Variants in MAP4K3 observed in about 807,000 individuals in gnomAD.
The protein encoded by MAP4K3 is mitogen-activated protein kinase kinase kinase kinase 3.
In MAP4K3, 94 loss-of-function variants were observed where a neutral mutation model predicts 143.5. That is an observed-to-expected ratio of 0.65 (90% CI 0.55 to 0.78). The LOEUF is 0.78. MAP4K3 is among the 30% of genes least tolerant of loss of function. MAP4K3 has a pLI of 0.00. For missense variants in MAP4K3, 1,077 were observed against 1,068.1 expected (o/e 1.01, Z -0.12); for synonymous variants, 416 against 347.2 (o/e 1.20, Z -2.20).
chr2:39,275,585 CAAT>C (rs1681215249), intron 24 of MAP4K3, among the ~76,000 whole-genome samples: 1 of 152,100 alleles, frequency 6.6e-6, no homozygotes, highest in Non-Finnish European at 1.5e-5. Flanking sequence ...ATATTGTTAC[CAAT>C]ATTATTTTTG....
intron 13 of MAP4K3, among the ~76,000 whole-genome samples, chr2:39,312,502 A>G (rs1044811656): frequency 6.6e-6 from 1 of 152,240 alleles, no homozygotes; most frequent in Non-Finnish European, 1.5e-5. Context: ...ATGTAAATTT[A>G]TTGTGAATGT....
At chr2:39,405,696 C>T (rs1345448710) in intron 1 of MAP4K3, among the ~76,000 whole-genome samples, 1 of 152,006 alleles carries the variant, frequency 6.6e-6, no homozygotes, top group East Asian at 1.9e-4. Flanking sequence ...GTTGAAATGC[C>T]GTGTCTACAA....
At chr2:39,287,454 C>T (rs528962802) in intron 20 of MAP4K3, among the ~76,000 whole-genome samples, 6 of 152,078 alleles carry the variant, frequency 3.9e-5, no homozygotes, top group East Asian at 1.9e-4. Flanking sequence ...TGCGCTACCA[C>T]GCCCAGCTAA....
At chr2:39,268,071 T>A (rs1680840200) in intron 26 of MAP4K3, among the ~76,000 whole-genome samples, 2 of 152,224 alleles carry the variant, frequency 1.3e-5, no homozygotes, top group African/African-American at 4.8e-5. Flanking sequence ...ATTTCTTTTT[T>A]AGAAATCTTT....
intron 2 of MAP4K3, among the ~76,000 whole-genome samples, chr2:39,365,665 C>T (rs1276911263): frequency 9.3e-5 from 14 of 151,098 alleles, no homozygotes; most frequent in Non-Finnish European, 3.0e-5. Context: ...AGGATGGTCT[C>T]GATCTCCTGA....
chr2:39,282,194 CAA>C (rs58168334), intron 22 of MAP4K3, among the ~76,000 whole-genome samples: 13 of 106,134 alleles, frequency 1.2e-4, no homozygotes, highest in Admixed American at 1.0e-4. Context: ...GACTCCGTCT[CAA>C]AAAAAAAAAA....
rs369320225 is a variant in MAP4K3, at chr2:39,314,647, A to C, written c.997+663T>G. 4.6e-5 allele frequency among the ~76,000 whole-genome samples: 7 copies of C among 152,300 alleles called. No homozygotes were observed. The East Asian group carries it at 1.2e-3, about 25-fold the overall frequency. ...TTCTAAGGAATAAAAAAGTTAAGGC[A>C]CTATTGTTCGAGGGATTCTTGTTGG... is the stretch of plus-strand genomic sequence containing the variant. On this transcript the variant is annotated intron_variant, in intron 13 of 33. Transcript: ENST00000263881.
intron 1 of MAP4K3, among the ~76,000 whole-genome samples, chr2:39,418,175 G>C (rs1312378221): frequency 2.1e-5 from 3 of 145,400 alleles, no homozygotes; most frequent in African/African-American, 7.7e-5. Flanking sequence ...CTGCACTCCA[G>C]CCTGGTAACA....
intron 1 of MAP4K3, among the ~76,000 whole-genome samples, chr2:39,388,678 C>G (rs1666574709): frequency 6.6e-6 from 1 of 152,148 alleles, no homozygotes; most frequent in East Asian, 1.9e-4. Context: ...TCACTAGAAT[C>G]AAAATATCTT....
intron 12 of MAP4K3, among the ~76,000 whole-genome samples, chr2:39,317,193 A>G (rs1420200428): frequency 6.6e-6 from 1 of 152,204 alleles, no homozygotes; most frequent in African/African-American, 2.4e-5. Flanking sequence ...TGGTGCTAGG[A>G]TAACTGGTTA....
chr2:39,303,948 C>T lies in MAP4K3; in HGVS notation c.1119+3995G>A, dbSNP rs1422804186. Among the ~76,000 whole-genome samples the T allele has an allele frequency of 4.6e-5, 7 of 152,138 alleles. No individual in the cohort carries two copies. In the East Asian group the frequency reaches 7.7e-4, roughly 17 times the overall value. ...TAGAAAAAAATAGCATCAGTTAAGACGGATGTGTAATATAATCTTTTAATC... is the reference window on the plus strand; with the variant it reads ...TAGAAAAAAATAGCATCAGTTAAGATGGATGTGTAATATAATCTTTTAATC... On this transcript the variant is annotated intron_variant, in intron 15 of 33. Transcript: ENST00000263881.
intron 1 of MAP4K3, among the ~76,000 whole-genome samples, chr2:39,387,725 G>C (rs1666546305): frequency 1.3e-5 from 2 of 152,186 alleles, no homozygotes; most frequent in African/African-American, 4.8e-5. Context: ...CATAAGAAAA[G>C]AGCAGATCTC....
chr2:39,283,222 A>AC (rs918795994), intron 21 of MAP4K3, among the ~76,000 whole-genome samples: 59 of 152,228 alleles, frequency 3.9e-4, no homozygotes, highest in African/African-American at 1.4e-3. Context: ...GTGCATATTG[A>AC]CTGTCAAACT....
intron 1 of MAP4K3, among the ~76,000 whole-genome samples, chr2:39,431,668 G>A (rs1018589850): frequency 6.6e-6 from 1 of 152,242 alleles, no homozygotes; most frequent in African/African-American, 2.4e-5. Flanking sequence ...TAAAAACCCT[G>A]AGGCAAAGCA....
chr2:39,371,376 A>T (rs1184989118), intron 2 of MAP4K3, among the ~76,000 whole-genome samples: 2 of 152,146 alleles, frequency 1.3e-5, no homozygotes, highest in East Asian at 3.8e-4. Flanking sequence ...ACTGTCTCTT[A>T]CCTGAAGCTC....
chr2:39,361,632 G>A (rs1665773384), intron 2 of MAP4K3, among the ~76,000 whole-genome samples: 2 of 151,188 alleles, frequency 1.3e-5, no homozygotes, highest in Non-Finnish European at 1.5e-5. Flanking sequence ...AAACCCATAG[G>A]CTCCATACAA....
At chr2:39,417,153 G>A (rs1572506722) in intron 1 of MAP4K3, among the ~76,000 whole-genome samples, 1 of 151,772 alleles carries the variant, frequency 6.6e-6, no homozygotes, top group African/African-American at 2.4e-5. Context: ...AAGCTATACA[G>A]ATATACTGAG....
chr2:39,347,425 C>T (rs1032400616), intron 3 of MAP4K3, among the ~76,000 whole-genome samples: 1 of 152,166 alleles, frequency 6.6e-6, no homozygotes, highest in Non-Finnish European at 1.5e-5. Context: ...ATGCAAGCAA[C>T]TAGGACTTCA....
intron 21 of MAP4K3, among the ~76,000 whole-genome samples, chr2:39,284,672 C>T (rs891366638): frequency 2.6e-5 from 4 of 151,550 alleles, no homozygotes; most frequent in South Asian, 4.2e-4. Context: ...GGTGAAACTC[C>T]GTCTGTACTA....
Sources: gnomAD v4.1 joint callset for allele counts (sites outside exome capture counted in the v4.1 genomes callset) on GRCh38, gnomAD v4.1.1 for gene constraint, MANE v1.5 for transcripts, NCBI Gene and HGNC (gene_info 2026-07-23, HGNC 2026-07-21) for gene names.